FRYL: variants seen among roughly 807,000 people sequenced by gnomAD.
The protein encoded by FRYL is FRY like transcription coactivator, also known as protein furry homolog-like.
Under a neutral mutation model 351.2 loss-of-function variants are expected in FRYL, and 150 were observed. The ratio of observed to expected loss-of-function variants is 0.43; its 90% CI spans 0.37 to 0.49. FRYL has a LOEUF of 0.49. Among genes scored for constraint, FRYL ranks in the 20% least tolerant of loss-of-function variants. FRYL has a pLI of 0.00. For synonymous variants in FRYL, 1,153 were observed against 1,257.1 expected (o/e 0.92, Z 1.75); for missense variants, 3,036 against 3,619.3 (o/e 0.84, Z 4.13).
chr4:48,675,818 G>A (rs550231830), intron 3 of FRYL, among the ~76,000 whole-genome samples: 25 of 152,342 alleles, frequency 1.6e-4, no homozygotes, highest in African/African-American at 5.5e-4. Context: ...GTCTGGTGGG[G>A]CCTTGGAGAA....
At chr4:48,594,884 C>T (rs1017454620) in intron 15 of FRYL, among the ~76,000 whole-genome samples, 5 of 152,220 alleles carry the variant, frequency 3.3e-5, no homozygotes, top group Admixed American at 6.5e-5. Flanking sequence ...TAATCCCCCT[C>T]TAATAATCCT....
chr4:48,594,066 T>G, intron 15 of FRYL, 50 bp from the exon 16 acceptor site: 1 of 979,396 alleles, frequency 1.0e-6, no homozygotes, highest in Non-Finnish European at 1.5e-6. Context: ...TTAGGTATCA[T>G]GCTAAGAATT....
intron 30 of FRYL, 97 bp from the exon 31 acceptor site, chr4:48,564,199 A>C: frequency 1.7e-6 from 2 of 1,209,024 alleles, no homozygotes; most frequent in Middle Eastern, 2.3e-4. Context: ...GCATATATTC[A>C]TTGTAATTAA....
rs554032281 is a variant in FRYL, at chr4:48,552,878, G to A, written c.4435+337C>T. On this transcript the variant is annotated intron_variant, in intron 36 of 63. Transcript: ENST00000358350. ...TTTAACAGAAATTTCATCTACAATA[G>A]CCTTTTTACTATTTTGAATTTCATT... Among the ~76,000 whole-genome samples the A allele has an allele frequency of 1.6e-3, 238 of 152,058 alleles. No individual in the cohort carries two copies. The Middle Eastern group carries it at 0.017, about 11-fold the overall frequency.
intron 1 of FRYL, among the ~76,000 whole-genome samples, chr4:48,732,323 TG>T (rs924519764): frequency 3.3e-5 from 5 of 152,096 alleles, no homozygotes; most frequent in African/African-American, 1.2e-4. Flanking sequence ...TTTACACTGT[TG>T]GTGGGAGTAT....
At chr4:48,748,072 C>A (rs1772862376) in intron 1 of FRYL, among the ~76,000 whole-genome samples, 2 of 151,934 alleles carry the variant, frequency 1.3e-5, no homozygotes, top group Admixed American at 1.3e-4. Context: ...ATGGGGAAAC[C>A]CTGTCTCCAC....
At chr4:48,655,183 G>A (rs1301325271) in intron 3 of FRYL, among the ~76,000 whole-genome samples, 1 of 152,042 alleles carries the variant, frequency 6.6e-6, no homozygotes, top group Non-Finnish European at 1.5e-5. Flanking sequence ...AAGGGGTGGG[G>A]GTCATTTGAA....
At position 48,576,049 on chromosome 4, in the gene FRYL, C is replaced by A; in HGVS notation, c.2702G>T (p.Gly901Val). The A allele has an allele frequency of 6.2e-7, 1 of 1,609,028 alleles. No individual in the cohort carries two copies. Among genetic ancestry groups the A allele is most frequent in the Non-Finnish European group, 8.5e-7 (1 of 1,178,050 alleles). The change falls in exon 24 of 64, where the codon GGC (glycine) becomes GTC (valine). Residue 901 changes from glycine to valine, a missense_variant. By Grantham distance (109) the Gly-to-Val change is moderately radical. Transcript: ENST00000358350. ...PETLASTPDSGYSIDSKIIGI... is the reference protein window; with the variant it reads ...PETLASTPDSVYSIDSKIIGI... ...ACTTACTTTAGAATCAATGCTATAG[C>A]CGCTATCTGGGGTAGACGCCAGCGT...
intron 1 of FRYL, among the ~76,000 whole-genome samples, chr4:48,759,514 T>A (rs1774181907): frequency 6.6e-6 from 1 of 152,174 alleles, no homozygotes; most frequent in Admixed American, 6.5e-5. Flanking sequence ...AAAACAGGTC[T>A]CACAGCTAAA....
At chr4:48,742,832 G>GT (rs1163119840) in intron 1 of FRYL, among the ~76,000 whole-genome samples, 1 of 151,708 alleles carries the variant, frequency 6.6e-6, no homozygotes, top group East Asian at 1.9e-4. Context: ...TTTGTTTTTT[G>GT]TTTTTTGAGA....
intron 3 of FRYL, among the ~76,000 whole-genome samples, chr4:48,675,140 C>T (rs1296835477): frequency 2.0e-5 from 3 of 152,330 alleles, no homozygotes; most frequent in East Asian, 1.9e-4. Flanking sequence ...CTGCGCCTCC[C>T]GGGTTCACGC....
At chr4:48,556,630 T>C (rs1560597969) in intron 35 of FRYL, among the ~76,000 whole-genome samples, 1 of 152,226 alleles carries the variant, frequency 6.6e-6, no homozygotes, top group Non-Finnish European at 1.5e-5. Context: ...CTGTGGTTCC[T>C]AGGTTTTTTA....
Position 48,528,317 on chromosome 4 carries a change from T to G in FRYL, c.6923A>C (p.Lys2308Thr). Residue 2308 changes from lysine to threonine, a missense_variant, in exon 51 of 64, where the codon AAA becomes ACA. Coordinates refer to ENST00000358350, the MANE Select transcript of FRYL (RefSeq NM_015030.2). ...AGCCGCACTGTGCTGATCACCATATTTGTTTCCAATAATTGGTGTCTACAC... is the reference window on the plus strand; with the variant it reads ...AGCCGCACTGTGCTGATCACCATATGTGTTTCCAATAATTGGTGTCTACAC... ...DISETPIIGN[K>T]YGDQHSAAGR... 6.2e-7 allele frequency: 1 copy of G among 1,609,060 alleles called. No homozygotes were observed. The highest frequency in any genetic ancestry group is 8.5e-7 in the Non-Finnish European group (1 of 1,177,860).
chr4:48,604,309 T>C (rs1746296440), intron 11 of FRYL, among the ~76,000 whole-genome samples: 1 of 152,206 alleles, frequency 6.6e-6, no homozygotes, highest in Admixed American at 6.5e-5. Flanking sequence ...CAGAAGGAGC[T>C]GCATGTGCAA....
At chr4:48,715,943 C>T (rs1348847228) in intron 1 of FRYL, among the ~76,000 whole-genome samples, 1 of 152,032 alleles carries the variant, frequency 6.6e-6, no homozygotes, top group Non-Finnish European at 1.5e-5. Context: ...ACCAATGGAA[C>T]AGAACAGAGC....
intron 3 of FRYL, among the ~76,000 whole-genome samples, chr4:48,657,016 A>G (rs1759365509): frequency 6.6e-6 from 1 of 152,188 alleles, no homozygotes; most frequent in South Asian, 2.1e-4. Flanking sequence ...TAGTGTAATA[A>G]GTATTTTCTT....
At position 48,528,045 on chromosome 4, in the gene FRYL, G is replaced by C. The variant is rs778636843; in HGVS notation, c.7066C>G (p.Arg2356Gly). 1 of 1,567,692 alleles carries C rather than the reference G, an allele frequency of 6.4e-7. No homozygotes were observed. The highest frequency in any genetic ancestry group is 2.1e-5 in the Admixed American group (1 of 47,862). The change falls in exon 52 of 64, where the codon CGA becomes GGA. Residue 2356 changes from arginine (R) to glycine (G), a missense_variant and splice_region_variant. This residue lies in a region of FRYL where 1,987 missense variants were observed against 2,311.7 expected (regional missense o/e 0.86). Transcript: ENST00000358350. ...VSWKRPQLSQ[R>G]RTREKLMNVL... is the part of the protein sequence containing the mutation. ...TTCATTAGCTTTTCTCTTGTTCTTCGCTAAAGGAAAAAAAAAAATTAAAAT... is the reference window on the plus strand; with the variant it reads ...TTCATTAGCTTTTCTCTTGTTCTTCCCTAAAGGAAAAAAAAAAATTAAAAT...
chr4:48,564,187 G>A (rs1276637491), intron 30 of FRYL, 85 bp from the exon 31 acceptor site: 2 of 1,338,646 alleles, frequency 1.5e-6, no homozygotes, highest in Admixed American at 2.2e-5. Flanking sequence ...AAGTAATATA[G>A]TGCATATATT....
chr4:48,553,391 A>T lies in FRYL; in HGVS notation c.4267-8T>A. On this transcript the variant is annotated splice_polypyrimidine_tract_variant and splice_region_variant and intron_variant, in intron 35 of 63. Coordinates refer to ENST00000358350, the MANE Select transcript of FRYL (RefSeq NM_015030.2). The stretch of plus-strand genomic sequence containing the variant: ...TACAATGACCTTCTTCACCTGTCAC[A>T]AAAGAAATCGTTCAGAAAAGAAAAA... The T allele has an allele frequency of 6.3e-7, 1 of 1,595,686 alleles. No individual in the cohort carries two copies. The highest frequency in any genetic ancestry group is 8.5e-7 in the Non-Finnish European group (1 of 1,171,610).
Sources: allele counts gnomAD v4.1 joint callset (sites outside exome capture counted in the v4.1 genomes callset), GRCh38; gene constraint gnomAD v4.1.1; regional missense constraint gnomAD v4.1.1; transcripts MANE v1.5; gene names NCBI Gene and HGNC (gene_info 2026-07-23, HGNC 2026-07-21).